TNR: variants seen among roughly 807,000 people sequenced by gnomAD.
The protein encoded by TNR is tenascin R.
TNR carries 45 observed loss-of-function variants against 150.4 expected under a neutral mutation model. The ratio of observed to expected loss-of-function variants is 0.30; its 90% CI spans 0.24 to 0.38. The LOEUF (loss-of-function observed/expected upper bound fraction) is 0.38. Among genes scored for constraint, TNR ranks in the 10% least tolerant of loss-of-function variants. The pLI is 1.00. For missense variants in TNR, 1,544 were observed against 1,759.1 expected (o/e 0.88, Z 2.19); for synonymous variants, 687 against 678.4 (o/e 1.01, Z -0.20).
intron 2 of TNR, among the ~76,000 whole-genome samples, chr1:175,460,393 T>C (rs1200558900): frequency 6.6e-6 from 1 of 151,812 alleles, no homozygotes; most frequent in Non-Finnish European, 1.5e-5. Flanking sequence ...GGTCCCTCAC[T>C]CCCACCAAGA....
At chr1:175,505,740 T>C (rs1477751848) in intron 2 of TNR, among the ~76,000 whole-genome samples, 2 of 152,190 alleles carry the variant, frequency 1.3e-5, no homozygotes, top group African/African-American at 4.8e-5. Flanking sequence ...ATGAAGAACA[T>C]ATAAGAAACG....
At chr1:175,710,823 C>G (rs1360329727) in intron 1 of TNR, among the ~76,000 whole-genome samples, 2 of 152,130 alleles carry the variant, frequency 1.3e-5, no homozygotes, top group Non-Finnish European at 2.9e-5. Flanking sequence ...TTGTTTTTCT[C>G]CTTCAAAACC....
chr1:175,711,571 A>G (rs1222324299), intron 1 of TNR, among the ~76,000 whole-genome samples: 1 of 152,238 alleles, frequency 6.6e-6, no homozygotes, highest in Non-Finnish European at 1.5e-5. Flanking sequence ...TGGCTGCTGC[A>G]GGAGAATAAG....
chr1:175,394,200 T>C (rs895526762), intron 5 of TNR, among the ~76,000 whole-genome samples: 1 of 152,242 alleles, frequency 6.6e-6, no homozygotes, highest in African/African-American at 2.4e-5. Flanking sequence ...TTTCTTTTCT[T>C]ACTAATGTGG....
At chr1:175,436,889 T>G (rs1030256124) in intron 2 of TNR, among the ~76,000 whole-genome samples, 1 of 152,156 alleles carries the variant, frequency 6.6e-6, no homozygotes, top group East Asian at 1.9e-4. Context: ...AGCAAGTCCT[T>G]AGTGACCTAC....
intron 1 of TNR, among the ~76,000 whole-genome samples, chr1:175,701,017 T>A (rs1269827083): frequency 6.6e-6 from 1 of 152,194 alleles, no homozygotes; most frequent in Non-Finnish European, 1.5e-5. Flanking sequence ...TGACTTCCCT[T>A]TGCCTCTGCA....
chr1:175,729,612 CCCTT>C (rs1481063375), intron 1 of TNR, among the ~76,000 whole-genome samples: 21 of 152,138 alleles, frequency 1.4e-4, no homozygotes, highest in Admixed American at 1.3e-3. Flanking sequence ...CTCCCTCCCT[CCCTT>C]CCTTTTCTTT....
At chr1:175,337,975 T>G (rs145042240) in intron 18 of TNR, among the ~76,000 whole-genome samples, 12 of 152,246 alleles carry the variant, frequency 7.9e-5, no homozygotes, top group African/African-American at 2.7e-4. Context: ...AGTAAATCAG[T>G]TGGGCGTCAG....
At position 175,365,967 on chromosome 1, in the gene TNR, G is replaced by C; in HGVS notation, c.2225C>G (p.Thr742Arg). The C allele has an allele frequency of 6.2e-7, 1 of 1,614,140 alleles. No homozygotes were observed. The highest frequency in any genetic ancestry group is 8.5e-7 in the Non-Finnish European group (1 of 1,179,996). ...VPKDRTSYTL[T>R]DLEPGAEYII... Reference sequence around the variant, plus strand: ...GTACTCTGCCCCAGGCTCTAGATCTGTTAGTGTGTATGAGGTCCTGTCCTT... The same window carrying C: ...GTACTCTGCCCCAGGCTCTAGATCTCTTAGTGTGTATGAGGTCCTGTCCTT... The change falls in exon 11 of 23, where the codon ACA becomes AGA. Residue 742 changes from threonine to arginine, a missense_variant. Transcript: ENST00000367674.
intron 2 of TNR, among the ~76,000 whole-genome samples, chr1:175,506,394 C>T (rs757055479): frequency 6.6e-6 from 1 of 152,088 alleles, no homozygotes; most frequent in African/African-American, 2.4e-5. Context: ...AAATCGTGTC[C>T]CCCCAGATTC....
chr1:175,471,488 C>T (rs540281704), intron 2 of TNR, among the ~76,000 whole-genome samples: 157 of 152,302 alleles, frequency 1.0e-3, no homozygotes, highest in South Asian at 7.9e-3. Flanking sequence ...GAGCATGTTA[C>T]TGTACTGAGG....
chr1:175,449,185 A>C (rs534141565), intron 2 of TNR, among the ~76,000 whole-genome samples: 1 of 152,376 alleles, frequency 6.6e-6, no homozygotes, highest in East Asian at 1.9e-4. Context: ...CAGCTTGATT[A>C]GATGACATCT....
chr1:175,389,157 G>A (rs1653061357), intron 7 of TNR, among the ~76,000 whole-genome samples: 1 of 152,178 alleles, frequency 6.6e-6, no homozygotes, highest in African/African-American at 2.4e-5. Context: ...GCACCTTGGT[G>A]TGCTGAGTAC....
chr1:175,315,872 G>T lies in TNR; in HGVS notation c.*7485C>A, dbSNP rs1002570900. ...AATGATTGGAAGGAGGAGCCTGTGT[G>T]TTAACCAAAATAGACTCACATAGAT... is the stretch of plus-strand genomic sequence containing the variant. On this transcript the variant is annotated 3_prime_UTR_variant, in exon 23 of 23. Coordinates refer to ENST00000367674, the MANE Select transcript of TNR (RefSeq NM_003285.3). 6.6e-6 allele frequency: 1 copy of T among 151,954 alleles called. No individual in the cohort carries two copies. Among genetic ancestry groups the T allele is most frequent in the Non-Finnish European group, 1.5e-5 (1 of 68,112 alleles). 9.4% of individuals were successfully genotyped at this position (151,954 alleles called of 1,614,324 possible). A position where few individuals can be genotyped will look rare whatever the true frequency, so the allele number is the denominator to read the frequency against.
intron 2 of TNR, among the ~76,000 whole-genome samples, chr1:175,430,336 T>G (rs1301002539): frequency 1.3e-5 from 2 of 152,180 alleles, no homozygotes; most frequent in Non-Finnish European, 2.9e-5. Flanking sequence ...TAGATGACTC[T>G]TAAGAATTAA....
chr1:175,454,249 T>C (rs1246294036), intron 2 of TNR, among the ~76,000 whole-genome samples: 2 of 152,178 alleles, frequency 1.3e-5, no homozygotes, highest in Non-Finnish European at 2.9e-5. Flanking sequence ...GAATCATTCA[T>C]CCAGATTACA....
intron 2 of TNR, among the ~76,000 whole-genome samples, chr1:175,505,184 G>T (rs7519311): frequency 6.6e-6 from 1 of 152,120 alleles, no homozygotes; most frequent in Non-Finnish European, 1.5e-5. Flanking sequence ...TCTCCCTCCC[G>T]CGTGTTTTGG....
chr1:175,468,648 T>C (rs1657139395), intron 2 of TNR, among the ~76,000 whole-genome samples: 1 of 152,138 alleles, frequency 6.6e-6, no homozygotes, highest in South Asian at 2.1e-4. Flanking sequence ...GTGTTCAGTA[T>C]GACCCGGAGC....
At chr1:175,640,464 A>G (rs764675611) in intron 1 of TNR, among the ~76,000 whole-genome samples, 4 of 152,228 alleles carry the variant, frequency 2.6e-5, no homozygotes, top group Non-Finnish European at 5.9e-5. Context: ...AATTTTTGGC[A>G]GACATTTGAT....
Sources: allele counts gnomAD v4.1 joint callset (sites outside exome capture counted in the v4.1 genomes callset), GRCh38; gene constraint gnomAD v4.1.1; transcripts MANE v1.5; gene names NCBI Gene and HGNC (gene_info 2026-07-23, HGNC 2026-07-21).